The following MARCO variants were observed in gnomAD, a reference collection of about 807,000 sequenced individuals.
MARCO encodes the protein macrophage receptor MARCO.
A neutral mutation model predicts 70.0 loss-of-function variants in MARCO; 72 were observed. The ratio of observed to expected loss-of-function variants is 1.03; its 90% CI spans 0.85 to 1.25. The LOEUF is 1.25. Among genes scored for constraint, MARCO ranks in the 50% most tolerant of loss-of-function variants. MARCO has a pLI of 0.00. For synonymous variants in MARCO, 273 were observed against 243.1 expected, an observed-to-expected ratio of 1.12 and a Z score of -1.14; for missense variants, 696 against 659.3, an observed-to-expected ratio of 1.06 and a Z score of -0.61.
At chr2:118,993,952 A>G (rs1680672721) in intron 16 of MARCO, among the ~76,000 whole-genome samples, 1 of 152,144 alleles carries the variant, frequency 6.6e-6, no homozygotes, top group African/African-American at 2.4e-5. Context: ...CCTTGCTCCC[A>G]GCCCCAAGTG....
chr2:118,972,787 C>T (rs916898358), intron 4 of MARCO, among the ~76,000 whole-genome samples: 2 of 152,182 alleles, frequency 1.3e-5, no homozygotes, highest in African/African-American at 4.8e-5. Flanking sequence ...TAAGGAGGGG[C>T]AGTTTCAACA....
intron 1 of MARCO, among the ~76,000 whole-genome samples, chr2:118,957,075 A>C (rs1216911118): frequency 6.6e-6 from 1 of 152,112 alleles, no homozygotes; most frequent in Admixed American, 6.5e-5. Flanking sequence ...GTCACACCTC[A>C]AGGAACTAGA....
chr2:118,992,020 A>G (rs1680631330), intron 14 of MARCO, 145 bp downstream of exon 14: 7 of 683,028 alleles, frequency 1.0e-5, no homozygotes, highest in Non-Finnish European at 1.5e-5. Context: ...TTGATTGACA[A>G]GTCTTGTGCT....
chr2:118,950,308 G>A (rs555729998), intron 1 of MARCO, among the ~76,000 whole-genome samples: 1 of 152,238 alleles, frequency 6.6e-6, no homozygotes, highest in African/African-American at 2.4e-5. Context: ...GAGCAGGTTA[G>A]TGTTTTAAGA....
intron 12 of MARCO, among the ~76,000 whole-genome samples, chr2:118,986,357 T>TA (rs11395268): frequency 0.25 from 35,628 of 142,878 alleles, 5,200 homozygotes; most frequent in African/African-American, 0.48. Context: ...CTACAAAACA[T>TA]AAAAAAATTA....
chr2:118,978,049 T>C, intron 8 of MARCO, 114 bp downstream of exon 8: 1 of 624,604 alleles, frequency 1.6e-6, no homozygotes, highest in South Asian at 2.2e-5. Context: ...CAGTGCTCTG[T>C]CTATGGGAAT....
chr2:118,969,989 A>G lies in MARCO; in HGVS notation c.200-125A>G, dbSNP rs1680130805. The G allele has an allele frequency of 1.7e-5, 14 of 820,106 alleles. No homozygotes were observed. The East Asian group carries it at 3.5e-4, about 21-fold the overall frequency. 50.8% of individuals were successfully genotyped at this position (820,106 alleles called of 1,614,324 possible). ...GGCCGTGTGCTCACGCTAGGTCCTG[A>G]CAGCACATGGAATTTGTGTTTACAA... On this transcript the variant is annotated intron_variant, in intron 2 of 16. Transcript: ENST00000327097.
chr2:118,971,623 C>T (rs1353298684), intron 4 of MARCO, 89 bp downstream of exon 4: 1 of 1,326,026 alleles, frequency 7.5e-7, no homozygotes, highest in Admixed American at 1.9e-5. Flanking sequence ...TGGGTCTGGA[C>T]AGCTGACCCT....
At chr2:118,975,745 C>A (rs777404566) in intron 6 of MARCO, among the ~76,000 whole-genome samples, 36 of 152,172 alleles carry the variant, frequency 2.4e-4, no homozygotes, top group Non-Finnish European at 3.7e-4. Context: ...CACTCACATA[C>A]ACACATATAC....
In MARCO at chr2:118,942,199, C is replaced by G; in HGVS notation, c.-102C>G. On this transcript the variant is annotated 5_prime_UTR_variant, in exon 1 of 17. Coordinates refer to ENST00000327097, the MANE Select transcript of MARCO (RefSeq NM_006770.4). ...AGGGAAGTGCTGCGAGGTTTACAAC[C>G]AGCTGCAGTGGTTCGATGGGAAGGA... 2 of 729,268 alleles carry G rather than the reference C, an allele frequency of 2.7e-6. No individual in the cohort carries two copies. Among genetic ancestry groups the G allele is most frequent in the Non-Finnish European group, 2.4e-6 (1 of 416,268 alleles). 45.2% of individuals were successfully genotyped at this position (729,268 alleles called of 1,614,324 possible). A position where few individuals can be genotyped will look rare whatever the true frequency, so the allele number is the denominator to read the frequency against.
At chr2:118,975,805 T>C (rs779428299) in intron 6 of MARCO, among the ~76,000 whole-genome samples, 4 of 152,220 alleles carry the variant, frequency 2.6e-5, no homozygotes, top group African/African-American at 9.7e-5. Flanking sequence ...TGCACACCCG[T>C]GTCTGAGCAC....
intron 1 of MARCO, among the ~76,000 whole-genome samples, chr2:118,964,426 C>G (rs192084027): frequency 1.3e-5 from 2 of 152,296 alleles, no homozygotes; most frequent in African/African-American, 4.8e-5. Context: ...AGATTCTCTT[C>G]ATTTCTCTTC....
In MARCO at chr2:118,974,528, G is replaced by A. The variant is rs190918804; in HGVS notation, c.576G>A (p.Ser192=). The stretch of plus-strand genomic sequence containing the variant: ...ATTCCCTTTCCCTTCCAGGCCCCTC[G>A]GGACCCCAAGGCCCACCGGGAGTCA... ...AMGRDGATGP[S]GPQGPPGVKG... The change falls in exon 6 of 17, where the codon TCG becomes TCA. Residue 192 remains serine, a synonymous_variant. Coordinates refer to ENST00000327097, the MANE Select transcript of MARCO (RefSeq NM_006770.4). The A allele has an allele frequency of 9.9e-6, 16 of 1,613,784 alleles. No homozygotes were observed. Among genetic ancestry groups the A allele is most frequent in the Middle Eastern group, 3.3e-4 (2 of 6,034 alleles).
At chr2:118,948,999 T>C (rs1679663528) in intron 1 of MARCO, among the ~76,000 whole-genome samples, 1 of 152,236 alleles carries the variant, frequency 6.6e-6, no homozygotes, top group Non-Finnish European at 1.5e-5. Context: ...TGGAAGTGAC[T>C]GACTTCACTG....
At chr2:118,956,580 G>T (rs1215748412) in intron 1 of MARCO, among the ~76,000 whole-genome samples, 1 of 152,118 alleles carries the variant, frequency 6.6e-6, no homozygotes, top group Non-Finnish European at 1.5e-5. Context: ...GCACAGGAGG[G>T]TCATCAAGAC....
chr2:118,943,743 G>A (rs1679546402), intron 1 of MARCO, among the ~76,000 whole-genome samples: 1 of 152,230 alleles, frequency 6.6e-6, no homozygotes, highest in African/African-American at 2.4e-5. Flanking sequence ...GAAATATTCA[G>A]AGAAATATAA....
At chr2:118,991,253 G>GT (rs543393291) in intron 13 of MARCO, among the ~76,000 whole-genome samples, 81,490 of 143,826 alleles carry the variant, frequency 0.57, 23,022 homozygotes, top group Non-Finnish European at 0.62. Flanking sequence ...ATGTTTTATG[G>GT]TTTTTTTTTT....
At chr2:118,985,496 T>C (rs1680468709) in intron 12 of MARCO, among the ~76,000 whole-genome samples, 1 of 152,138 alleles carries the variant, frequency 6.6e-6, no homozygotes, top group Non-Finnish European at 1.5e-5. Context: ...TTCTTCCCAT[T>C]CTGGTGGGAA....
intron 1 of MARCO, among the ~76,000 whole-genome samples, chr2:118,946,257 A>G (rs1462065480): frequency 6.6e-6 from 1 of 152,162 alleles, no homozygotes; most frequent in Non-Finnish European, 1.5e-5. Flanking sequence ...TTAGTTTTAC[A>G]TGCACTCGTC....
Sources: allele counts gnomAD v4.1 joint callset (sites outside exome capture counted in the v4.1 genomes callset), GRCh38; gene constraint gnomAD v4.1.1; transcripts MANE v1.5; gene names NCBI Gene and HGNC (gene_info 2026-07-23, HGNC 2026-07-21).